SAMTOR: variants seen among roughly 807,000 people sequenced by gnomAD.
SAMTOR encodes the protein UPF0532 protein C7orf60.
the SAMTOR span, among the ~76,000 whole-genome samples, chr7:112,888,708 G>A: frequency 6.6e-6 from 1 of 152,068 alleles, no homozygotes; most frequent in East Asian, 1.9e-4. Flanking sequence ...GATATTTGGA[G>A]ATAAGCCTTA....
At chr7:112,895,746 G>C in the SAMTOR span, 1 of 1,489,978 alleles carries the variant, frequency 6.7e-7, no homozygotes, top group Non-Finnish European at 9.1e-7. Flanking sequence ...TACACTACAA[G>C]TAAAAATAAA....
chr7:112,873,388 A>G, the SAMTOR span, among the ~76,000 whole-genome samples: 1 of 152,158 alleles, frequency 6.6e-6, no homozygotes. Context: ...CTAATGGAAC[A>G]GAATAAAGAA....
chr7:112,837,066 A>G, the SAMTOR span, among the ~76,000 whole-genome samples: 1 of 152,122 alleles, frequency 6.6e-6, no homozygotes, highest in Non-Finnish European at 1.5e-5. Context: ...GATTCTTCCT[A>G]TCCATGAGCA....
chr7:112,847,595 G>A, the SAMTOR span, among the ~76,000 whole-genome samples: 32 of 152,042 alleles, frequency 2.1e-4, no homozygotes, highest in Non-Finnish European at 3.7e-4. Context: ...CCTGACCAAT[G>A]TGGAGAAACC....
At chr7:112,907,067 G>A in the SAMTOR span, among the ~76,000 whole-genome samples, 1 of 152,108 alleles carries the variant, frequency 6.6e-6, no homozygotes, top group East Asian at 1.9e-4. Context: ...TGAGATGGGG[G>A]TATGGAGAGA....
At chr7:112,894,096 G>A in the SAMTOR span, among the ~76,000 whole-genome samples, 1,212 of 151,250 alleles carry the variant, frequency 8.0e-3, 15 homozygotes, top group Non-Finnish European at 9.7e-3. Flanking sequence ...AAAGGCCATT[G>A]TAGGTTTATT....
chr7:112,858,770 T>C, the SAMTOR span, among the ~76,000 whole-genome samples: 2 of 152,200 alleles, frequency 1.3e-5, no homozygotes, highest in African/African-American at 4.8e-5. Flanking sequence ...ATAATATTAC[T>C]TACAAGTGTG....
chr7:112,913,462 AACTGGGTTCCCTT>A, the SAMTOR span, among the ~76,000 whole-genome samples: 1 of 152,194 alleles, frequency 6.6e-6, no homozygotes, highest in Non-Finnish European at 1.5e-5. Context: ...GTAGTTTTCT[AACTGGGTTCCCTT>A]ACTGACACCC....
the SAMTOR span, among the ~76,000 whole-genome samples, chr7:112,847,112 A>G: frequency 1.3e-5 from 2 of 152,244 alleles, no homozygotes; most frequent in East Asian, 1.9e-4. Context: ...CAACATTGAT[A>G]AAGACTAAAT....
the SAMTOR span, among the ~76,000 whole-genome samples, chr7:112,916,775 C>T: frequency 5.9e-5 from 9 of 152,294 alleles, no homozygotes; most frequent in African/African-American, 4.8e-5. Flanking sequence ...TGGGAAACGG[C>T]GCAACAGGAG....
the SAMTOR span, among the ~76,000 whole-genome samples, chr7:112,904,222 C>T: frequency 2.0e-5 from 3 of 152,052 alleles, no homozygotes; most frequent in South Asian, 6.2e-4. Flanking sequence ...ATGAACTCTG[C>T]ATTCAGAGAG....
At chr7:112,918,160 TTGAAA>T in the SAMTOR span, among the ~76,000 whole-genome samples, 1 of 152,012 alleles carries the variant, frequency 6.6e-6, no homozygotes, top group Non-Finnish European at 1.5e-5. Flanking sequence ...TTCGCCAAAG[TTGAAA>T]TGAAGGAAAA....
At chr7:112,917,169 T>C in the SAMTOR span, among the ~76,000 whole-genome samples, 4 of 152,220 alleles carry the variant, frequency 2.6e-5, no homozygotes, top group African/African-American at 7.2e-5. Flanking sequence ...CCCTGACCCC[T>C]GACCCCCGAG....
At chr7:112,889,114 T>C in the SAMTOR span, among the ~76,000 whole-genome samples, 1 of 152,320 alleles carries the variant, frequency 6.6e-6, no homozygotes, top group East Asian at 1.9e-4. Flanking sequence ...TACCTAAATG[T>C]AACCAGGATT....
At chr7:112,892,746 T>C in the SAMTOR span, among the ~76,000 whole-genome samples, 1 of 151,392 alleles carries the variant, frequency 6.6e-6, no homozygotes, top group Non-Finnish European at 1.5e-5. Flanking sequence ...CACTCCAGCC[T>C]GGGCAACAGA....
the SAMTOR span, among the ~76,000 whole-genome samples, chr7:112,892,314 T>C: frequency 6.6e-6 from 1 of 152,152 alleles, no homozygotes; most frequent in Admixed American, 6.5e-5. Context: ...TCCTCCAAAC[T>C]CATATTCATG....
chr7:112,927,359 A>G, the SAMTOR span, among the ~76,000 whole-genome samples: 1 of 152,104 alleles, frequency 6.6e-6, no homozygotes, highest in African/African-American at 2.4e-5. Context: ...GTAAATCAGG[A>G]GCTAGAACTT....
chr7:112,834,892 TGA>T, the SAMTOR span, among the ~76,000 whole-genome samples: 1 of 152,132 alleles, frequency 6.6e-6, no homozygotes, highest in Non-Finnish European at 1.5e-5. Flanking sequence ...TAAGACACTT[TGA>T]GATACCATAC....
At chr7:112,885,999 T>C in the SAMTOR span, among the ~76,000 whole-genome samples, 2 of 152,146 alleles carry the variant, frequency 1.3e-5, no homozygotes, top group Non-Finnish European at 2.9e-5. Flanking sequence ...ACAATCATGG[T>C]GGAAGGGAAA....
Sources: allele counts gnomAD v4.1 joint callset (sites outside exome capture counted in the v4.1 genomes callset), GRCh38; gene constraint gnomAD v4.1.1; transcripts MANE v1.5; gene names NCBI Gene and HGNC (gene_info 2026-07-23, HGNC 2026-07-21).